NRXN3: variants seen among roughly 807,000 people sequenced by gnomAD.
The protein encoded by NRXN3 is neurexin III.
In NRXN3, 32 loss-of-function variants were observed where a neutral mutation model predicts 137.6. The ratio of observed to expected loss-of-function variants is 0.23; its 90% confidence interval spans 0.18 to 0.31. The LOEUF (loss-of-function observed/expected upper bound fraction) is 0.31. Among genes scored for constraint, NRXN3 ranks in the 10% least tolerant of loss-of-function variants. NRXN3 has a pLI of 1.00. For missense variants in NRXN3, 1,574 were observed against 2,062.5 expected (o/e 0.76, Z 4.59); for synonymous variants, 798 against 784.5 (o/e 1.02, Z -0.29).
chr14:78,202,879 C>T (rs1343967003), intron 1 of NRXN3, among the ~76,000 whole-genome samples: 2 of 152,192 alleles, frequency 1.3e-5, no homozygotes, highest in Non-Finnish European at 2.9e-5. Flanking sequence ...TTAGCATTTT[C>T]TGTATTACAT....
chr14:78,602,663 G>T (rs2097211861), intron 4 of NRXN3, among the ~76,000 whole-genome samples: 1 of 152,088 alleles, frequency 6.6e-6, no homozygotes, highest in African/African-American at 2.4e-5. Context: ...TTTTCCAGGG[G>T]TTGAAGCCCA....
intron 16 of NRXN3, among the ~76,000 whole-genome samples, chr14:79,471,726 G>A (rs1353392059): frequency 6.6e-6 from 1 of 152,178 alleles, no homozygotes; most frequent in African/African-American, 2.4e-5. Flanking sequence ...GTAGAAATGA[G>A]TGGGAAAACT....
chr14:78,963,200 G>C (rs1431689830), intron 11 of NRXN3, among the ~76,000 whole-genome samples: 1 of 151,670 alleles, frequency 6.6e-6, no homozygotes, highest in Non-Finnish European at 1.5e-5. Context: ...TAATTTTCTA[G>C]TGAGCAGAAT....
chr14:79,251,228 A>G (rs964156665), intron 15 of NRXN3, among the ~76,000 whole-genome samples: 1 of 152,194 alleles, frequency 6.6e-6, no homozygotes, highest in Non-Finnish European at 1.5e-5. Context: ...AGCAGGCCCT[A>G]TTCGAGAACA....
intron 15 of NRXN3, among the ~76,000 whole-genome samples, chr14:79,308,407 G>T (rs2086511065): frequency 6.6e-6 from 1 of 152,038 alleles, no homozygotes; most frequent in Non-Finnish European, 1.5e-5. Context: ...GAAGGACTTA[G>T]GATGCTATAC....
At chr14:78,351,228 C>T (rs1351129194) in intron 4 of NRXN3, among the ~76,000 whole-genome samples, 1 of 152,172 alleles carries the variant, frequency 6.6e-6, no homozygotes, top group Non-Finnish European at 1.5e-5. Context: ...AGTGTTCTAT[C>T]AATAAATATA....
At chr14:78,973,194 A>T (rs1452570602) in intron 14 of NRXN3, among the ~76,000 whole-genome samples, 1 of 152,206 alleles carries the variant, frequency 6.6e-6, no homozygotes, top group Non-Finnish European at 1.5e-5. Context: ...ATACATAAAC[A>T]TATTAATTTA....
intron 10 of NRXN3, among the ~76,000 whole-genome samples, chr14:78,836,272 A>G (rs781045583): frequency 1.3e-5 from 2 of 152,236 alleles, no homozygotes; most frequent in Non-Finnish European, 2.9e-5. Flanking sequence ...ATGATGGGGA[A>G]AGGGGAGACA....
chr14:79,709,613 A>C (rs976609385), intron 19 of NRXN3, among the ~76,000 whole-genome samples: 1 of 152,346 alleles, frequency 6.6e-6, no homozygotes, highest in Admixed American at 6.5e-5. Flanking sequence ...CATCTTAAGC[A>C]GTATAAATGT....
At chr14:79,040,087 C>T (rs1011965519) in intron 15 of NRXN3, among the ~76,000 whole-genome samples, 1 of 152,184 alleles carries the variant, frequency 6.6e-6, no homozygotes, top group South Asian at 2.1e-4. Context: ...CCATCTCGCT[C>T]ATTACCTGGA....
chr14:79,740,158 C>T (rs951416763), intron 19 of NRXN3, among the ~76,000 whole-genome samples: 1 of 152,140 alleles, frequency 6.6e-6, no homozygotes, highest in Non-Finnish European at 1.5e-5. Context: ...CTCCCTCCCC[C>T]TTTATATTCA....
rs527866702 is a variant in NRXN3, at chr14:78,542,029, T to C, written c.758-103091T>C. Among the ~76,000 whole-genome samples the C allele has an allele frequency of 2.6e-5, 4 of 152,286 alleles. No homozygotes were observed. In the Middle Eastern group the frequency reaches 0.014, roughly 518 times the overall value. On this transcript the variant is annotated intron_variant, in intron 4 of 20. Transcript: ENST00000335750. ...CAGGAAAGCAAATATTGCTGCCTGA[T>C]TCTTCCTCTGGAAGCTTCGTTCCAG...
At chr14:78,931,344 G>A (rs1357880698) in intron 10 of NRXN3, among the ~76,000 whole-genome samples, 4 of 152,102 alleles carry the variant, frequency 2.6e-5, no homozygotes, top group Admixed American at 6.5e-5. Context: ...ATTAATTATT[G>A]TCCTACCAGC....
At chr14:78,929,778 C>A (rs1049883452) in intron 10 of NRXN3, among the ~76,000 whole-genome samples, 2 of 152,024 alleles carry the variant, frequency 1.3e-5, no homozygotes, top group Admixed American at 6.6e-5. Context: ...TACCACAAGA[C>A]CTTCCTTATA....
chr14:78,503,703 G>A (rs1334799079), intron 4 of NRXN3, among the ~76,000 whole-genome samples: 1 of 152,024 alleles, frequency 6.6e-6, no homozygotes, highest in African/African-American at 2.4e-5. Flanking sequence ...CTAGTCCCAG[G>A]GCCTAGGACA....
intron 15 of NRXN3, among the ~76,000 whole-genome samples, chr14:79,023,045 T>C (rs1321429500): frequency 6.6e-6 from 1 of 151,696 alleles, no homozygotes; most frequent in Non-Finnish European, 1.5e-5. Flanking sequence ...AGCACTTTGG[T>C]TGATGGAGGG....
chr14:78,210,863 A>G (rs1460806652), intron 1 of NRXN3, among the ~76,000 whole-genome samples: 2 of 151,752 alleles, frequency 1.3e-5, no homozygotes, highest in Admixed American at 1.3e-4. Flanking sequence ...CGTTTTTTTA[A>G]TTTGCTTTGT....
At chr14:78,613,674 A>G (rs1255898361) in intron 4 of NRXN3, among the ~76,000 whole-genome samples, 1 of 149,492 alleles carries the variant, frequency 6.7e-6, no homozygotes. Context: ...AGGGTTAGAG[A>G]CAGCAAGTGA....
chr14:79,280,045 C>G (rs1259166154), intron 15 of NRXN3: 8 of 1,324,914 alleles, frequency 6.0e-6, no homozygotes, highest in South Asian at 5.3e-5. Flanking sequence ...CTGGGAGGAC[C>G]CTGGCATTCT....
Sources: allele counts gnomAD v4.1 joint callset (sites outside exome capture counted in the v4.1 genomes callset), GRCh38; gene constraint gnomAD v4.1.1; transcripts MANE v1.5; gene names NCBI Gene and HGNC (gene_info 2026-07-23, HGNC 2026-07-21).